The following CPEB3 variants were observed in gnomAD, a reference collection of about 807,000 sequenced individuals.
The protein encoded by CPEB3 is cytoplasmic polyadenylation element-binding protein 3.
Under a neutral mutation model 67.2 loss-of-function variants are expected in CPEB3, and 20 were observed. The observed-to-expected ratio is 0.30, with a 90% CI of 0.21 to 0.43. The LOEUF (loss-of-function observed/expected upper bound fraction) is 0.43. Among genes scored for constraint, CPEB3 ranks in the 20% least tolerant of loss-of-function variants. CPEB3 has a pLI of 1.00. For synonymous variants in CPEB3, 376 were observed against 393.1 expected, an observed-to-expected ratio of 0.96 and a Z score of 0.51; for missense variants, 746 against 968.6, an observed-to-expected ratio of 0.77 and a Z score of 3.05.
At chr10:92,199,284 A>G (rs1028551670) in intron 2 of CPEB3, among the ~76,000 whole-genome samples, 14 of 151,010 alleles carry the variant, frequency 9.3e-5, no homozygotes, top group Admixed American at 7.3e-4. Flanking sequence ...CCAGCTACTC[A>G]GGAGGCTGAG....
At chr10:92,144,665 A>C (rs1279324032) in intron 5 of CPEB3, among the ~76,000 whole-genome samples, 1 of 152,212 alleles carries the variant, frequency 6.6e-6, no homozygotes, top group Non-Finnish European at 1.5e-5. Context: ...TCAGCTATAT[A>C]ACCCTGAACA....
At chr10:92,123,593 C>A (rs1845488190) in intron 6 of CPEB3, among the ~76,000 whole-genome samples, 1 of 152,156 alleles carries the variant, frequency 6.6e-6, no homozygotes, top group African/African-American at 2.4e-5. Context: ...AGTCCACAAA[C>A]CTAGCTTATG....
chr10:92,080,027 C>T (rs183962760), intron 9 of CPEB3, among the ~76,000 whole-genome samples: 247 of 151,156 alleles, frequency 1.6e-3, no homozygotes, highest in Non-Finnish European at 1.9e-3. Flanking sequence ...GGTGAAACCC[C>T]GTCTCTACTA....
chr10:92,158,031 T>TA (rs946258296), intron 4 of CPEB3, among the ~76,000 whole-genome samples: 20 of 147,222 alleles, frequency 1.4e-4, no homozygotes, highest in East Asian at 2.0e-4. Flanking sequence ...AGATCTCATT[T>TA]AAAAAAAAAA....
At chr10:92,106,814 C>CAAAAAAAAAAAAAAAAAAAAAAAAAAA (rs531195477) in intron 7 of CPEB3, among the ~76,000 whole-genome samples, 5 of 55,980 alleles carry the variant, frequency 8.9e-5, no homozygotes, top group African/African-American at 1.7e-4. Flanking sequence ...GACTCTGTCT[C>CAAAAAAAAAAAAAAAAAAAAAAAAAAA]AAAAAAAAAA....
At chr10:92,076,832 G>A (rs1045918953) in intron 9 of CPEB3, among the ~76,000 whole-genome samples, 2 of 128,716 alleles carry the variant, frequency 1.6e-5, no homozygotes, top group African/African-American at 5.0e-5. Context: ...AGAGGAGGAG[G>A]AGGAAAGAAA....
At chr10:92,203,337 GAT>G (rs10534634) in intron 2 of CPEB3, among the ~76,000 whole-genome samples, 93,175 of 141,056 alleles carry the variant, frequency 0.66, 31,755 homozygotes, top group African/African-American at 0.84. Context: ...CATAAGAGAT[GAT>G]ATATATATAT....
At chr10:92,193,257 T>A (rs1849068623) in intron 2 of CPEB3, among the ~76,000 whole-genome samples, 1 of 152,002 alleles carries the variant, frequency 6.6e-6, no homozygotes, top group African/African-American at 2.4e-5. Flanking sequence ...TTAATACAAG[T>A]CTCCATAATT....
At chr10:92,155,734 A>G (rs369024841) in intron 4 of CPEB3, among the ~76,000 whole-genome samples, 1 of 152,280 alleles carries the variant, frequency 6.6e-6, no homozygotes, top group African/African-American at 2.4e-5. Context: ...ACTGCAGACC[A>G]AGAGCAGGGA....
At chr10:92,220,579 TAA>T (rs540480746) in intron 2 of CPEB3, among the ~76,000 whole-genome samples, 6 of 134,378 alleles carry the variant, frequency 4.5e-5, no homozygotes, top group Admixed American at 7.5e-5. Flanking sequence ...ACTGCCATGT[TAA>T]AAAAAAAAAA....
rs187914990 is a variant in CPEB3, at chr10:92,241,239, T to C, written c.-11-878A>G. Among the ~76,000 whole-genome samples, 18 of 151,016 alleles carry C rather than the reference T, an allele frequency of 1.2e-4. 1 individual carries two copies. The highest frequency in any genetic ancestry group is 4.4e-4 in the African/African-American group (18 of 41,088). On this transcript the variant is annotated intron_variant, in intron 1 of 9. Transcript: ENST00000265997. The stretch of plus-strand genomic sequence containing the variant: ...GTCTCAACAGGAGCCTAAGAATTTC[T>C]CTGCAGAGTGGAGAAATGCTTCTGG...
At chr10:92,161,509 G>A (rs1847478274) in intron 4 of CPEB3, among the ~76,000 whole-genome samples, 1 of 152,024 alleles carries the variant, frequency 6.6e-6, no homozygotes, top group South Asian at 2.1e-4. Flanking sequence ...CTGACCTCAG[G>A]TGATCCACCC....
intron 8 of CPEB3, among the ~76,000 whole-genome samples, chr10:92,083,069 C>A (rs1711850): frequency 0.28 from 42,996 of 152,014 alleles, 6,218 homozygotes; most frequent in African/African-American, 0.33. Context: ...ACTGCTGAGG[C>A]AGTAAGAAAA....
At chr10:92,158,752 C>T (rs1847325816) in intron 4 of CPEB3, among the ~76,000 whole-genome samples, 1 of 152,140 alleles carries the variant, frequency 6.6e-6, no homozygotes, top group Non-Finnish European at 1.5e-5. Context: ...CCACCTCAGG[C>T]CATGCTTAAT....
At chr10:92,245,504 T>A (rs775838260) in intron 1 of CPEB3, among the ~76,000 whole-genome samples, 6 of 152,164 alleles carry the variant, frequency 3.9e-5, no homozygotes, top group Non-Finnish European at 7.3e-5. Flanking sequence ...TTTGAATGAA[T>A]CCACCAAAAG....
intron 1 of CPEB3, among the ~76,000 whole-genome samples, chr10:92,270,590 TCTCA>T (rs1853264423): frequency 6.7e-6 from 1 of 149,502 alleles, no homozygotes; most frequent in African/African-American, 2.5e-5. Context: ...TGACACAGGT[TCTCA>T]CTCTGTTGCC....
At chr10:92,055,853 A>G (rs537026427) in intron 9 of CPEB3, among the ~76,000 whole-genome samples, 30 of 152,196 alleles carry the variant, frequency 2.0e-4, no homozygotes, top group South Asian at 6.2e-4. Context: ...TAGCCTGGGC[A>G]ACAACAACAA....
chr10:92,054,543 G>A (rs983992976), intron 9 of CPEB3, among the ~76,000 whole-genome samples: 38 of 151,992 alleles, frequency 2.5e-4, no homozygotes, highest in African/African-American at 8.4e-4. Context: ...AGGTTCAAGC[G>A]ATTCCCCTGC....
intron 2 of CPEB3, among the ~76,000 whole-genome samples, chr10:92,198,524 T>C (rs538209874): frequency 1.3e-5 from 2 of 152,322 alleles, no homozygotes; most frequent in African/African-American, 2.4e-5. Context: ...CCAGAACCCC[T>C]TGCTACTCTT....
Sources: allele counts gnomAD v4.1 joint callset (sites outside exome capture counted in the v4.1 genomes callset), GRCh38; gene constraint gnomAD v4.1.1; transcripts MANE v1.5; gene names NCBI Gene and HGNC (gene_info 2026-07-23, HGNC 2026-07-21).